MTA3: variants seen among roughly 807,000 people sequenced by gnomAD.
MTA3 encodes metastasis-associated protein MTA3.
MTA3 carries 34 observed loss-of-function variants against 83.5 expected under a neutral mutation model. The observed-to-expected ratio is 0.41, with a 90% confidence interval of 0.31 to 0.54. MTA3 has a LOEUF of 0.54. Among genes scored for constraint, MTA3 ranks in the 20% least tolerant of loss-of-function variants. The pLI is 0.33. For missense variants in MTA3, 761 were observed against 726.4 expected (o/e 1.05, Z -0.55); for synonymous variants, 303 against 252.7 (o/e 1.20, Z -1.89).
At chr2:42,568,931 C>G (rs1678134049) in intron 1 of MTA3, among the ~76,000 whole-genome samples, 158 bp downstream of exon 1, 2 of 151,790 alleles carry the variant, frequency 1.3e-5, no homozygotes, top group Non-Finnish European at 2.9e-5. Context: ...GACTCCCCAC[C>G]CCCACCCATC....
chr2:42,669,832 T>C (rs560299988), intron 8 of MTA3, among the ~76,000 whole-genome samples: 3 of 152,318 alleles, frequency 2.0e-5, no homozygotes, highest in East Asian at 3.9e-4. Flanking sequence ...TTCACATGAA[T>C]ATAGAAACAT....
intron 12 of MTA3, among the ~76,000 whole-genome samples, chr2:42,704,990 T>C (rs1343447776): frequency 2.6e-5 from 4 of 152,200 alleles, no homozygotes; most frequent in African/African-American, 9.6e-5. Flanking sequence ...TTCCTTCCAG[T>C]TAAGGTAGCC....
At chr2:42,747,867 A>G (rs1404089036) in intron 16 of MTA3, among the ~76,000 whole-genome samples, 1 of 152,028 alleles carries the variant, frequency 6.6e-6, no homozygotes, top group East Asian at 1.9e-4. Context: ...ACACCAGGAA[A>G]CCATCACCAC....
At chr2:42,743,931 A>G (rs1018143394) in intron 16 of MTA3, among the ~76,000 whole-genome samples, 1 of 152,196 alleles carries the variant, frequency 6.6e-6, no homozygotes, top group African/African-American at 2.4e-5. Context: ...TGCCATTTCA[A>G]AAGACTGCAG....
chr2:42,726,065 A>G (rs761012149), intron 16 of MTA3, among the ~76,000 whole-genome samples: 1 of 152,200 alleles, frequency 6.6e-6, no homozygotes, highest in Non-Finnish European at 1.5e-5. Flanking sequence ...AATACTTTTC[A>G]TGAGCTAGTT....
intron 2 of MTA3, among the ~76,000 whole-genome samples, chr2:42,540,125 G>A (rs1676455812): frequency 6.6e-6 from 1 of 151,878 alleles, no homozygotes; most frequent in South Asian, 2.1e-4. Flanking sequence ...TCAGGTGAAG[G>A]AGGTGGGGGC....
chr2:42,524,323 TG>T (rs1675569798), intron 2 of MTA3, among the ~76,000 whole-genome samples: 1 of 151,562 alleles, frequency 6.6e-6, no homozygotes, highest in African/African-American at 2.4e-5. Flanking sequence ...TTTTTTTAAA[TG>T]GAGTCTCACC....
intron 6 of MTA3, among the ~76,000 whole-genome samples, chr2:42,654,372 A>G (rs1688977761): frequency 6.6e-6 from 1 of 152,230 alleles, no homozygotes; most frequent in African/African-American, 2.4e-5. Context: ...GTATTATGTC[A>G]GCCGTTGCAA....
chr2:42,601,163 C>G (rs983825595), intron 3 of MTA3, among the ~76,000 whole-genome samples: 1 of 152,162 alleles, frequency 6.6e-6, no homozygotes, highest in Non-Finnish European at 1.5e-5. Flanking sequence ...CCTTGGCCTC[C>G]CAAAGTGCTG....
At chr2:42,555,836 C>T (rs957975294) in intron 2 of MTA3, among the ~76,000 whole-genome samples, 2 of 151,852 alleles carry the variant, frequency 1.3e-5, no homozygotes, top group African/African-American at 4.8e-5. Context: ...CTTTGGGAGG[C>T]CAAGGAGGGT....
At chr2:42,720,844 A>G (rs1304737288) in intron 15 of MTA3, among the ~76,000 whole-genome samples, 1 of 149,604 alleles carries the variant, frequency 6.7e-6, no homozygotes, top group Non-Finnish European at 1.5e-5. Context: ...ACTACTCAGG[A>G]GACTGAGGTG....
intron 14 of MTA3, among the ~76,000 whole-genome samples, chr2:42,713,478 C>T (rs567579605): frequency 9.2e-5 from 14 of 151,728 alleles, no homozygotes; most frequent in Admixed American, 2.0e-4. Flanking sequence ...TGGTATAAGC[C>T]GAGGGAGTTT....
intron 3 of MTA3, among the ~76,000 whole-genome samples, chr2:42,606,701 C>G (rs1317106350): frequency 1.3e-5 from 2 of 151,722 alleles, no homozygotes; most frequent in African/African-American, 4.8e-5. Context: ...AGGCTGCAAT[C>G]TCGGCACTTT....
intron 3 of MTA3, among the ~76,000 whole-genome samples, chr2:42,586,526 G>A (rs1202612050): frequency 3.6e-4 from 24 of 65,974 alleles, no homozygotes; most frequent in Non-Finnish European, 4.9e-4. Context: ...ACACACAAAG[G>A]AAGGAAAAAC....
chr2:42,650,657 C>T (rs546414076), intron 6 of MTA3, among the ~76,000 whole-genome samples: 12 of 152,144 alleles, frequency 7.9e-5, no homozygotes, highest in Non-Finnish European at 1.8e-4. Flanking sequence ...TCTCAATCTC[C>T]TGACGTCGTG....
chr2:42,623,939 C>T (rs1053430259), intron 4 of MTA3, among the ~76,000 whole-genome samples: 12 of 152,026 alleles, frequency 7.9e-5, no homozygotes, highest in Admixed American at 4.6e-4. Flanking sequence ...TGTGATCCAC[C>T]GACCTTAGGT....
chr2:42,700,471 T>A (rs747437264), intron 11 of MTA3, among the ~76,000 whole-genome samples: 4 of 152,182 alleles, frequency 2.6e-5, no homozygotes, highest in Non-Finnish European at 5.9e-5. Flanking sequence ...TTAAGACAAG[T>A]GATGTATTCA....
At chr2:42,737,188 C>A (rs971813037) in intron 16 of MTA3, among the ~76,000 whole-genome samples, 7 of 152,202 alleles carry the variant, frequency 4.6e-5, no homozygotes, top group African/African-American at 1.4e-4. Flanking sequence ...ACCAGCACAG[C>A]ACCAGGATTT....
In MTA3 at chr2:42,526,001, AC is replaced by A. The variant is rs1295503882; in HGVS notation, c.-141+30752del. 3.3e-5 allele frequency among the ~76,000 whole-genome samples: 5 copies of A among 151,766 alleles called. No individual in the cohort carries two copies. In the South Asian group the frequency reaches 1.0e-3, roughly 32 times the overall value. Reference sequence around the variant, plus strand: ...ACCTATCCTTTGCCAGAGAGAAAGAACCCCCTCGTTAATGCCTTCCTTGGAA... The same window carrying A: ...ACCTATCCTTTGCCAGAGAGAAAGAACCCCTCGTTAATGCCTTCCTTGGAA... On this transcript the variant is annotated intron_variant, in intron 2 of 17. Coordinates refer to the MTA3 transcript ENST00000405592.
Sources: allele counts gnomAD v4.1 joint callset (sites outside exome capture counted in the v4.1 genomes callset), GRCh38; gene constraint gnomAD v4.1.1; transcripts MANE v1.5; gene names NCBI Gene and HGNC (gene_info 2026-07-23, HGNC 2026-07-21).